The following MICU2 variants were observed in gnomAD, a reference collection of about 807,000 sequenced individuals.
The protein encoded by MICU2 is calcium uptake protein 2, mitochondrial.
Under a neutral mutation model 60.4 loss-of-function variants are expected in MICU2, and 64 were observed. The observed-to-expected ratio is 1.06, with a 90% CI of 0.87 to 1.31. MICU2 has a LOEUF of 1.31. Among genes scored for constraint, MICU2 ranks in the 50% most tolerant of loss-of-function variants. The pLI, the probability that MICU2 is intolerant of heterozygous loss-of-function variation, is 0.00. For missense variants in MICU2, 569 were observed against 531.0 expected (o/e 1.07, Z -0.70); for synonymous variants, 201 against 175.0 (o/e 1.15, Z -1.17).
At chr13:21,508,121 CTTCT>C (rs1319246775) in intron 8 of MICU2, among the ~76,000 whole-genome samples, 30 of 149,460 alleles carry the variant, frequency 2.0e-4, no homozygotes, top group Middle Eastern at 3.5e-3. Flanking sequence ...GTTCAAGGCT[CTTCT>C]TTCTTTTTTT....
chr13:21,556,119 A>AT (rs1426372195), intron 2 of MICU2, among the ~76,000 whole-genome samples: 3 of 151,204 alleles, frequency 2.0e-5, no homozygotes, highest in Non-Finnish European at 4.4e-5. Context: ...TTTTTCCCCC[A>AT]TTTTTTCCTA....
intron 9 of MICU2, among the ~76,000 whole-genome samples, chr13:21,501,494 C>G (rs1384938463): frequency 2.0e-5 from 3 of 152,144 alleles, no homozygotes; most frequent in African/African-American, 7.2e-5. Context: ...GATCTCCTGA[C>G]CTCATGATCT....
At chr13:21,575,215 C>G (rs2138050406) in intron 1 of MICU2, among the ~76,000 whole-genome samples, 1 of 152,066 alleles carries the variant, frequency 6.6e-6, no homozygotes, top group East Asian at 1.9e-4. Flanking sequence ...AGATTTCTAT[C>G]TGGAGAACAG....
chr13:21,554,201 C>T (rs1201459015), intron 2 of MICU2, among the ~76,000 whole-genome samples: 2 of 152,286 alleles, frequency 1.3e-5, no homozygotes, highest in African/African-American at 2.4e-5. Context: ...ATCTACAGAA[C>T]TCTCCACCCC....
At chr13:21,541,717 T>C (rs1388439174) in intron 2 of MICU2, among the ~76,000 whole-genome samples, 2 of 152,152 alleles carry the variant, frequency 1.3e-5, no homozygotes, top group African/African-American at 4.8e-5. Context: ...ACTCTTTGAA[T>C]TCCATGACAG....
chr13:21,507,077 A>G (rs1191632748), intron 8 of MICU2, among the ~76,000 whole-genome samples: 1 of 152,212 alleles, frequency 6.6e-6, no homozygotes, highest in East Asian at 1.9e-4. Flanking sequence ...GTATAATTAC[A>G]ATTTTACCTT....
rs1215073320 is a variant in MICU2 at position 21,493,096 on chromosome 13, TAATAA to T, written c.*148_*152del. ...TTACTTTTCTTTCTACTAAGTTCTT[TAATAA>T]AATTATGAATCAGAAAGCAAGTACA... On this transcript the variant is annotated 3_prime_UTR_variant, in exon 12 of 12. Transcript: ENST00000382374. 3.5e-5 allele frequency: 17 copies of T among 486,918 alleles called. No homozygotes were observed. The highest frequency in any genetic ancestry group is 5.7e-5 in the Non-Finnish European group (16 of 281,110). The allele number at this position is 486,918 out of a possible 1,614,324, so 30.2% of individuals were successfully genotyped here. A position where few individuals can be genotyped will look rare whatever the true frequency, so the allele number is the denominator to read the frequency against.
At chr13:21,568,656 A>T (rs1475806182) in intron 1 of MICU2, among the ~76,000 whole-genome samples, 1 of 152,178 alleles carries the variant, frequency 6.6e-6, no homozygotes, top group Non-Finnish European at 1.5e-5. Context: ...CTACTCGTTT[A>T]TCCCTGTCCT....
At chr13:21,601,801 C>T (rs1376881758) in intron 1 of MICU2, among the ~76,000 whole-genome samples, 1 of 152,174 alleles carries the variant, frequency 6.6e-6, no homozygotes, top group South Asian at 2.1e-4. Context: ...CTCTGAAAGA[C>T]AAAGTTTTAA....
At chr13:21,545,868 A>G (rs1386098943) in intron 2 of MICU2, among the ~76,000 whole-genome samples, 2 of 152,170 alleles carry the variant, frequency 1.3e-5, no homozygotes, top group Non-Finnish European at 2.9e-5. Context: ...TACATCACCT[A>G]GTTTCAAAGA....
intron 9 of MICU2, among the ~76,000 whole-genome samples, chr13:21,497,423 T>C (rs887488609): frequency 2.6e-5 from 4 of 151,962 alleles, no homozygotes; most frequent in Non-Finnish European, 5.9e-5. Context: ...ATTAAAACAA[T>C]AAAAGCTGGG....
chr13:21,592,818 C>T (rs760554489), intron 1 of MICU2, among the ~76,000 whole-genome samples: 1 of 152,178 alleles, frequency 6.6e-6, no homozygotes, highest in Non-Finnish European at 1.5e-5. Flanking sequence ...TTCAACATCC[C>T]TTCATGTTTA....
chr13:21,496,139 T>G lies in MICU2; in HGVS notation c.955A>C (p.Lys319Gln). ...AGESISLDEFKSFCHFTTHLE... is the reference protein window; with the variant it reads ...AGESISLDEFQSFCHFTTHLE... ...TGGGTTGTAAAATGGCAAAATGACT[T>G]GAATTCATCCAAACTAATGCTCTAA... is the stretch of plus-strand genomic sequence containing the variant. The change falls in exon 10 of 12, where the codon AAG becomes CAG. Residue 319 changes from lysine (K) to glutamine (Q), a missense_variant. Lys to Gln is a moderately conservative substitution (Grantham distance 53). Transcript: ENST00000382374. 1 of 1,613,708 alleles carries G rather than the reference T, an allele frequency of 6.2e-7. No homozygotes were observed. Among genetic ancestry groups the G allele is most frequent in the Non-Finnish European group, 8.5e-7 (1 of 1,179,654 alleles).
intron 1 of MICU2, among the ~76,000 whole-genome samples, chr13:21,570,973 T>C (rs532032230): frequency 6.6e-6 from 1 of 152,350 alleles, no homozygotes; most frequent in East Asian, 1.9e-4. Flanking sequence ...AAATGTAAAC[T>C]ATTTCTTAAT....
chr13:21,603,912 G>A (rs756329031), intron 1 of MICU2, 27 bp downstream of exon 1: 343 of 1,608,530 alleles, frequency 2.1e-4, no homozygotes, highest in Non-Finnish European at 2.7e-4. Context: ...GCTTGACTGG[G>A]GCTAGCAGAA....
At chr13:21,498,748 C>A (rs1304956348) in intron 9 of MICU2, among the ~76,000 whole-genome samples, 1 of 151,726 alleles carries the variant, frequency 6.6e-6, no homozygotes, top group Non-Finnish European at 1.5e-5. Flanking sequence ...TGGGAACAAT[C>A]TCTTCACATA....
At chr13:21,509,446 C>T (rs1051137984) in intron 8 of MICU2, among the ~76,000 whole-genome samples, 1 of 152,194 alleles carries the variant, frequency 6.6e-6, no homozygotes, top group African/African-American at 2.4e-5. Context: ...CATATTTACT[C>T]TTTAGGCCTT....
At chr13:21,557,924 C>T (rs926525205) in intron 2 of MICU2, among the ~76,000 whole-genome samples, 2 of 152,092 alleles carry the variant, frequency 1.3e-5, no homozygotes, top group African/African-American at 4.8e-5. Flanking sequence ...AATGGCTATT[C>T]TAAAGTCTTT....
chr13:21,506,592 C>T (rs967464836), intron 8 of MICU2, among the ~76,000 whole-genome samples: 6 of 152,172 alleles, frequency 3.9e-5, no homozygotes, highest in African/African-American at 9.7e-5. Context: ...TGACTTTGCC[C>T]CTGCTTCCTA....
Sources: allele counts gnomAD v4.1 joint callset (sites outside exome capture counted in the v4.1 genomes callset), GRCh38; gene constraint gnomAD v4.1.1; transcripts MANE v1.5; gene names NCBI Gene and HGNC (gene_info 2026-07-23, HGNC 2026-07-21).